PCDHGA11: variants seen among roughly 807,000 people sequenced by gnomAD.
PCDHGA11 encodes the protein protocadherin gamma subfamily A, 11, also known as protocadherin gamma-A11.
Under a neutral mutation model 60.4 loss-of-function variants are expected in PCDHGA11, and 39 were observed. That is an observed-to-expected ratio of 0.65 (90% CI 0.50 to 0.84). The LOEUF is 0.84. Among genes scored for constraint, PCDHGA11 ranks in the 40% least tolerant of loss-of-function variants. PCDHGA11 has a pLI of 0.00. For synonymous variants in PCDHGA11, 533 were observed against 510.3 expected, an observed-to-expected ratio of 1.04 and a Z score of -0.60; for missense variants, 1,165 against 1,197.7, an observed-to-expected ratio of 0.97 and a Z score of 0.40.
At position 141,422,175 on chromosome 5, in the gene PCDHGA11, T is replaced by G. The variant is rs2096631593; in HGVS notation, c.948T>G (p.Tyr316Ter). 1 of 1,564,276 alleles carries G rather than the reference T, an allele frequency of 6.4e-7. No homozygotes were observed. The highest frequency in any genetic ancestry group is 8.6e-7 in the Non-Finnish European group (1 of 1,159,994). Residue 316 changes from tyrosine (Y) to a stop codon, truncating the protein, a stop_gained, in exon 1 of 4, where the codon TAT becomes TAG. Coordinates refer to ENST00000398587, the MANE Select transcript of PCDHGA11 (RefSeq NM_018914.3). LOFTEE classifies it high-confidence loss of function. ...TGGATTTTGAAAAATATAGATTCTA[T>G]GAGATGGAAATTCAAGGCCAAGATG... ...GSLDFEKYRF[Y>*]EMEIQGQDGG...
chr5:141,464,530 T>C (rs375523203), intron 1 of PCDHGA11, among the ~76,000 whole-genome samples: 1 of 152,108 alleles, frequency 6.6e-6, no homozygotes, highest in African/African-American at 2.4e-5. Flanking sequence ...TATGTAGTTT[T>C]GTTAAATATA....
chr5:141,486,105 A>C lies in PCDHGA11; in HGVS notation c.2434-8702A>C. The stretch of plus-strand genomic sequence containing the variant: ...ACTCTTTTGGGGCCCCTAGACTTTG[A>C]GAGTGAGAATTACTATGAATTTGAT... On this transcript the variant is annotated intron_variant, in intron 1 of 3. Transcript: ENST00000398587. This position sits in a 1 kb window ranked among gnomAD's most constrained non-coding sequence, Gnocchi z 5.0. The C allele has an allele frequency of 1.2e-6, 2 of 1,614,138 alleles. No individual in the cohort carries two copies. The highest frequency in any genetic ancestry group is 1.7e-6 in the Non-Finnish European group (2 of 1,180,016).
At chr5:141,495,089 C>G (rs1440289878) in intron 2 of PCDHGA11, among the ~76,000 whole-genome samples, 2 of 152,284 alleles carry the variant, frequency 1.3e-5, no homozygotes, top group East Asian at 3.9e-4. Flanking sequence ...TGCCCCTTCC[C>G]TCCTCGCCAC....
At position 141,490,003 on chromosome 5, in the gene PCDHGA11, G is replaced by A. The variant is rs2099694760; in HGVS notation, c.2434-4804G>A. On this transcript the variant is annotated intron_variant, in intron 1 of 3. Transcript: ENST00000398587. This position sits in a 1 kb window ranked among gnomAD's most constrained non-coding sequence, Gnocchi z 5.4. ...TCTACGTGTGGGAATCCCAGAGAAT[G>A]CACCCATTGGTACTCTGCTGCTCCG... 6.2e-7 allele frequency: 1 copy of A among 1,614,204 alleles called. No homozygotes were observed. Among genetic ancestry groups the A allele is most frequent in the Non-Finnish European group, 8.5e-7 (1 of 1,180,008 alleles).
At chr5:141,510,321 CA>C (rs1376271166) in intron 3 of PCDHGA11, among the ~76,000 whole-genome samples, 1 of 150,840 alleles carries the variant, frequency 6.6e-6, no homozygotes, top group Non-Finnish European at 1.5e-5. Context: ...CTTGGAAGAG[CA>C]CTCTTCACCC....
chr5:141,421,916 G>A lies in PCDHGA11; in HGVS notation c.689G>A (p.Arg230His), dbSNP rs754653877. ...ATCCGAAAGGGCGCAGTTCCCATTC[G>A]TGTGGTGGTCCTCGATGTAAATGAT... ...DPIRKGAVPI[R>H]VVVLDVNDHI... Residue 230 changes from arginine (R) to histidine (H), a missense_variant, in exon 1 of 4, where the codon CGT becomes CAT. Transcript: ENST00000398587. 4 of 1,613,646 alleles carry A rather than the reference G, an allele frequency of 2.5e-6. No homozygotes were observed. Among genetic ancestry groups the A allele is most frequent in the Non-Finnish European group, 2.5e-6 (3 of 1,179,844 alleles).
intron 1 of PCDHGA11, among the ~76,000 whole-genome samples, chr5:141,433,995 CT>C (rs2097669147): frequency 2.6e-5 from 4 of 152,028 alleles, no homozygotes; most frequent in Admixed American, 2.0e-4. Flanking sequence ...GTTTTATATT[CT>C]CTATATATGT....
chr5:141,492,224 T>C (rs2099738444), intron 1 of PCDHGA11, among the ~76,000 whole-genome samples: 1 of 152,134 alleles, frequency 6.6e-6, no homozygotes, highest in South Asian at 2.1e-4. Flanking sequence ...CTCATGCGTG[T>C]CCTCCCTGCT....
chr5:141,481,924 A>G (rs1189494301), intron 1 of PCDHGA11, among the ~76,000 whole-genome samples: 1 of 151,648 alleles, frequency 6.6e-6, no homozygotes, highest in Non-Finnish European at 1.5e-5. Context: ...AAAAAAAAAA[A>G]AAAAAAAAAA....
chr5:141,440,671 T>C (rs2098194169), intron 1 of PCDHGA11: 1 of 152,210 alleles, frequency 6.6e-6, no homozygotes, highest in African/African-American at 2.4e-5. Context: ...CAACTCTATA[T>C]TTCTCTTTGA....
At chr5:141,441,864 G>A in intron 1 of PCDHGA11, 3 of 344,518 alleles carry the variant, frequency 8.7e-6, no homozygotes, top group Admixed American at 4.1e-5. Context: ...TGCACGCCGC[G>A]GAGCCTGGCT....
chr5:141,432,586 C>G lies in PCDHGA11; in HGVS notation c.2433+8926C>G. 6.2e-7 allele frequency: 1 copy of G among 1,613,852 alleles called. No homozygotes were observed. The highest frequency in any genetic ancestry group is 8.5e-7 in the Non-Finnish European group (1 of 1,179,972). On this transcript the variant is annotated intron_variant, in intron 1 of 3. Transcript: ENST00000398587. The surrounding 1 kb of genome is among the most constrained non-coding windows in gnomAD (Gnocchi z 6.0). ...ACGCCTGGCTGTCCTACCGTCTGCT[C>G]AAGGCCAGCGAGCCGGGACTCTTCT...
chr5:141,458,366 GGAGAA>G (rs1437271099), intron 1 of PCDHGA11, among the ~76,000 whole-genome samples: 1 of 152,090 alleles, frequency 6.6e-6, no homozygotes, highest in African/African-American at 2.4e-5. Flanking sequence ...AAGAAGGAAG[GGAGAA>G]GAGAGAAGGA....
chr5:141,448,515 T>C (rs1158968509), intron 1 of PCDHGA11, among the ~76,000 whole-genome samples: 1 of 152,212 alleles, frequency 6.6e-6, no homozygotes, highest in Non-Finnish European at 1.5e-5. Flanking sequence ...TTTATAACTT[T>C]ATTAAGCATC....
At chr5:141,466,621 T>A (rs911794654) in intron 1 of PCDHGA11, among the ~76,000 whole-genome samples, 1 of 152,208 alleles carries the variant, frequency 6.6e-6, no homozygotes, top group Non-Finnish European at 1.5e-5. Context: ...GCCGTTTTCT[T>A]TGGAGCATTG....
chr5:141,491,702 T>A lies in PCDHGA11; in HGVS notation c.2434-3105T>A. The A allele has an allele frequency of 6.2e-7, 1 of 1,611,514 alleles. No homozygotes were observed. Among genetic ancestry groups the A allele is most frequent in the Non-Finnish European group, 8.5e-7 (1 of 1,178,984 alleles). ...AATACGCTGCGGGAGCGGAGCCAGG[T>A]GAGGGGCTCGGCGCCGCCCCGGGCG... On this transcript the variant is annotated intron_variant, in intron 1 of 3. Coordinates refer to ENST00000398587, the MANE Select transcript of PCDHGA11 (RefSeq NM_018914.3). The surrounding 1 kb of genome is among the most constrained non-coding windows in gnomAD (Gnocchi z 6.9).
At chr5:141,500,116 C>T (rs1458562489) in intron 2 of PCDHGA11, among the ~76,000 whole-genome samples, 4 of 149,046 alleles carry the variant, frequency 2.7e-5, no homozygotes, top group Admixed American at 2.0e-4. Context: ...GAATCCCTGC[C>T]TTTTCATATA....
chr5:141,489,225 A>G lies in PCDHGA11; in HGVS notation c.2434-5582A>G. 3 of 1,518,230 alleles carry G rather than the reference A, an allele frequency of 2.0e-6. No individual in the cohort carries two copies. Among genetic ancestry groups the G allele is most frequent in the East Asian group, 2.3e-5 (1 of 44,234 alleles). 94.0% of individuals were successfully genotyped at this position (1,518,230 alleles called of 1,614,324 possible). On this transcript the variant is annotated intron_variant, in intron 1 of 3. Coordinates refer to ENST00000398587, the MANE Select transcript of PCDHGA11 (RefSeq NM_018914.3). The surrounding 1 kb of genome is among the most constrained non-coding windows in gnomAD (Gnocchi z 4.5). ...GGACAGCACAGACTTACTCTCCACA[A>G]AGGGACTTCTGGGTCATGGGGCCCA...
chr5:141,476,053 A>G lies in PCDHGA11; in HGVS notation c.2434-18754A>G. 2 of 1,501,944 alleles carry G rather than the reference A, an allele frequency of 1.3e-6. No homozygotes were observed. Among genetic ancestry groups the G allele is most frequent in the Non-Finnish European group, 1.8e-6 (2 of 1,131,392 alleles). 93.0% of individuals were successfully genotyped at this position (1,501,944 alleles called of 1,614,324 possible). ...CAGCGCCCAAGCGCTAACCCGCTGA[A>G]AGTTTCTCAGCGAAATCTCAGGGAC... On this transcript the variant is annotated intron_variant, in intron 1 of 3. Coordinates refer to ENST00000398587, the MANE Select transcript of PCDHGA11 (RefSeq NM_018914.3). The surrounding 1 kb of genome is among the most constrained non-coding windows in gnomAD (Gnocchi z 7.6).
Sources: gnomAD v4.1 joint callset for allele counts (sites outside exome capture counted in the v4.1 genomes callset) on GRCh38, gnomAD v4.1.1 for gene constraint, Gnocchi (gnomAD v3.1) non-coding constraint, MANE v1.5 for transcripts, NCBI Gene and HGNC (gene_info 2026-07-23, HGNC 2026-07-21) for gene names.